RASGEF1C: variants seen among roughly 807,000 people sequenced by gnomAD.
RASGEF1C encodes ras-GEF domain-containing family member 1C.
RASGEF1C carries 27 observed loss-of-function variants against 58.1 expected under a neutral mutation model. That is an observed-to-expected ratio of 0.46 (90% CI 0.34 to 0.64). RASGEF1C has a LOEUF of 0.64. RASGEF1C is among the 30% of genes least tolerant of loss of function. The probability of loss-of-function intolerance (pLI) is 0.01; values close to 1 mark genes in which losing one functional copy is unlikely to be tolerated. For missense variants in RASGEF1C, 502 were observed against 605.1 expected (o/e 0.83, Z 1.79); for synonymous variants, 243 against 246.3 (o/e 0.99, Z 0.13).
At chr5:180,124,970 A>C (rs567622941) in intron 6 of RASGEF1C, among the ~76,000 whole-genome samples, 10 of 152,162 alleles carry the variant, frequency 6.6e-5, no homozygotes, top group African/African-American at 2.4e-4. Context: ...CTGTCTCCAC[A>C]AAAAATACCA....
rs987943242 is a variant in RASGEF1C at position 180,155,912 on chromosome 5, C to G, written c.-6-17854G>C. 6.6e-6 allele frequency among the ~76,000 whole-genome samples: 1 copy of G among 152,130 alleles called. No homozygotes were observed. Among genetic ancestry groups the G allele is most frequent in the Non-Finnish European group, 1.5e-5 (1 of 68,026 alleles). ...GAGTCCTGGCCAAGAGGGCACTGTC[C>G]CCCCCTCACTGCTGAGCAAGCAAGT... is the stretch of plus-strand genomic sequence containing the variant. On this transcript the variant is annotated intron_variant, in intron 1 of 13. Transcript: ENST00000361132. The surrounding 1 kb of genome is among the most constrained non-coding windows in gnomAD (Gnocchi z 5.2).
chr5:180,158,118 T>TA lies in RASGEF1C; in HGVS notation c.-6-20061dup, dbSNP rs1766879863. On this transcript the variant is annotated intron_variant, in intron 1 of 13. Coordinates refer to ENST00000361132, the MANE Select transcript of RASGEF1C (RefSeq NM_175062.4). This position sits in a 1 kb window ranked among gnomAD's most constrained non-coding sequence, Gnocchi z 4.0. ...TTTCGCTGCGAACCTAAAACTGCTC[T>TA]AAAAAATAAAGCCCATTTTTTTAAA... Among the ~76,000 whole-genome samples the TA allele has an allele frequency of 6.6e-6, 1 of 152,164 alleles. No individual in the cohort carries two copies.
rs1173172861 is a variant in RASGEF1C at position 180,137,745 on chromosome 5, C to T, written c.178-33G>A. ...ACACACGAGAAAGAGGGCACAGGCTCAGGAGGGCACCAGGAGGGGCATGCT... is the reference window on the plus strand; with the variant it reads ...ACACACGAGAAAGAGGGCACAGGCTTAGGAGGGCACCAGGAGGGGCATGCT... On this transcript the variant is annotated intron_variant, in intron 2 of 13. Coordinates refer to ENST00000361132, the MANE Select transcript of RASGEF1C (RefSeq NM_175062.4). The surrounding 1 kb of genome is among the most constrained non-coding windows in gnomAD (Gnocchi z 4.1). The T allele has an allele frequency of 6.8e-6, 11 of 1,610,968 alleles. No homozygotes were observed. Among genetic ancestry groups the T allele is most frequent in the Middle Eastern group, 3.3e-4 (2 of 6,032 alleles).
intron 12 of RASGEF1C, among the ~76,000 whole-genome samples, chr5:180,110,957 A>G (rs796471343): frequency 2.0e-5 from 3 of 152,238 alleles, no homozygotes; most frequent in African/African-American, 7.2e-5. Flanking sequence ...CTGGGATTAC[A>G]GGTAGGCACT....
chr5:180,163,359 C>T (rs1414210417), intron 1 of RASGEF1C, among the ~76,000 whole-genome samples: 2 of 149,968 alleles, frequency 1.3e-5, no homozygotes, highest in Admixed American at 1.3e-4. Flanking sequence ...CAGTCTTTTA[C>T]CATTAAATAT....
intron 4 of RASGEF1C, among the ~76,000 whole-genome samples, chr5:180,129,517 C>T (rs142190824): frequency 4.5e-4 from 68 of 152,272 alleles, no homozygotes; most frequent in African/African-American, 1.6e-3. Flanking sequence ...GAGGCCCCCC[C>T]AGAGCAATCG....
chr5:180,136,555 CG>C, intron 3 of RASGEF1C, 40 bp from the exon 4 acceptor site: 1 of 1,541,412 alleles, frequency 6.5e-7, no homozygotes, highest in Non-Finnish European at 8.8e-7. Context: ...TGAGGGGCGC[CG>C]GGTGGGCACG....
intron 4 of RASGEF1C, among the ~76,000 whole-genome samples, chr5:180,133,138 T>C (rs908704650): frequency 3.3e-5 from 5 of 152,076 alleles, no homozygotes; most frequent in Non-Finnish European, 7.4e-5. Flanking sequence ...AACTACTGCG[T>C]CCAACCTACC....
chr5:180,118,516 G>A, intron 10 of RASGEF1C, 93 bp downstream of exon 10: 2 of 1,169,314 alleles, frequency 1.7e-6, no homozygotes, highest in Non-Finnish European at 2.4e-6. Flanking sequence ...TATTACTGAT[G>A]CTGCAGGGGG....
At chr5:180,117,180 A>G (rs1582264029) in intron 10 of RASGEF1C, among the ~76,000 whole-genome samples, 3 of 152,322 alleles carry the variant, frequency 2.0e-5, no homozygotes, top group Admixed American at 2.0e-4. Context: ...CCTCTGCAGC[A>G]GACCCCTGCC....
At chr5:180,173,812 C>A (rs548320408) in intron 1 of RASGEF1C, among the ~76,000 whole-genome samples, 1 of 151,812 alleles carries the variant, frequency 6.6e-6, no homozygotes, top group East Asian at 1.9e-4. Flanking sequence ...GCTAGGGAGG[C>A]TGAGGCAGGA....
chr5:180,129,928 G>A (rs1420653976), intron 4 of RASGEF1C, among the ~76,000 whole-genome samples: 2 of 152,246 alleles, frequency 1.3e-5, no homozygotes, highest in African/African-American at 2.4e-5. Context: ...CCTTGACGGT[G>A]GGAGAGGAGG....
chr5:180,151,346 C>A (rs1766742649), intron 1 of RASGEF1C, among the ~76,000 whole-genome samples: 2 of 152,284 alleles, frequency 1.3e-5, no homozygotes, highest in Middle Eastern at 3.4e-3. Context: ...ACCAAAACAG[C>A]ATGGTACTGG....
chr5:180,199,672 C>T (rs991396134), intron 1 of RASGEF1C, among the ~76,000 whole-genome samples: 2 of 151,498 alleles, frequency 1.3e-5, no homozygotes, highest in Non-Finnish European at 2.9e-5. Context: ...CCCTCTCTCC[C>T]TCCCTTCCCT....
intron 1 of RASGEF1C, among the ~76,000 whole-genome samples, chr5:180,161,448 A>AGG (rs989403998): frequency 2.6e-5 from 4 of 152,354 alleles, no homozygotes; most frequent in South Asian, 2.1e-4. Context: ...CACGGCAGCC[A>AGG]GGGGGGAACT....
At chr5:180,109,990 A>C (rs1210543683) in intron 12 of RASGEF1C, among the ~76,000 whole-genome samples, 1 of 152,118 alleles carries the variant, frequency 6.6e-6, no homozygotes, top group African/African-American at 2.4e-5. Flanking sequence ...GTAAGGATAA[A>C]TCTGTGTTGT....
chr5:180,191,417 C>G (rs897728394), intron 1 of RASGEF1C, among the ~76,000 whole-genome samples: 2 of 151,976 alleles, frequency 1.3e-5, no homozygotes, highest in Non-Finnish European at 2.9e-5. Context: ...AGTGCAGTGG[C>G]GCGATCTCAG....
intron 1 of RASGEF1C, among the ~76,000 whole-genome samples, chr5:180,165,018 C>T (rs1766997217): frequency 6.6e-6 from 1 of 152,028 alleles, no homozygotes. Context: ...ACGTAATGTC[C>T]TTCTTTATCT....
chr5:180,160,738 T>TGATCTGCCCGCCTCGGCTTCCCA, intron 1 of RASGEF1C, among the ~76,000 whole-genome samples: 1 of 152,106 alleles, frequency 6.6e-6, no homozygotes, highest in Non-Finnish European at 1.5e-5. Context: ...ATTTCTCCAG[T>TGATCTGCCCGCCTCGGCTTCCCA]AAGGGTCTCA....
Sources: gnomAD v4.1 joint callset for allele counts (sites outside exome capture counted in the v4.1 genomes callset) on GRCh38, gnomAD v4.1.1 for gene constraint, Gnocchi (gnomAD v3.1) non-coding constraint, MANE v1.5 for transcripts, NCBI Gene and HGNC (gene_info 2026-07-23, HGNC 2026-07-21) for gene names.